The following GPR153 variants were observed in gnomAD, a reference collection of about 807,000 sequenced individuals.
The protein encoded by GPR153 is probable G protein-coupled receptor 153.
Under a neutral mutation model 34.1 loss-of-function variants are expected in GPR153, and 27 were observed. The observed-to-expected ratio is 0.79, with a 90% CI of 0.58 to 1.09. The LOEUF is 1.09. Among genes scored for constraint, GPR153 ranks in the 50% least tolerant of loss-of-function variants. GPR153 has a pLI of 0.00. For missense variants in GPR153, 848 were observed against 860.2 expected (o/e 0.99, Z 0.18); for synonymous variants, 408 against 405.4 (o/e 1.01, Z -0.08).
At chr1:6,256,021 C>G (rs1189956107) in intron 1 of GPR153, among the ~76,000 whole-genome samples, 1 of 152,192 alleles carries the variant, frequency 6.6e-6, no homozygotes, top group African/African-American at 2.4e-5. Flanking sequence ...TCTCAAACTC[C>G]TGGCCTCAAG....
Position 6,250,203 on chromosome 1 carries a change from G to A in GPR153, c.1165-200C>T. On this transcript the variant is annotated intron_variant, in intron 5 of 5. Transcript: ENST00000377893. Reference sequence around the variant, plus strand: ...AGACAGCTGGGGTCGGTTGGGGAGGGCGCTCGTTGAGGATACTGAGCCGGC... The same window carrying A: ...AGACAGCTGGGGTCGGTTGGGGAGGACGCTCGTTGAGGATACTGAGCCGGC... 3.0e-6 allele frequency: 3 copies of A among 985,424 alleles called. No individual in the cohort carries two copies. The South Asian group carries it at 1.4e-4, about 46-fold the overall frequency. 61.0% of individuals were successfully genotyped at this position (985,424 alleles called of 1,614,324 possible).
chr1:6,250,370 G>A, intron 5 of GPR153, 70 bp downstream of exon 5: 1 of 1,487,926 alleles, frequency 6.7e-7, no homozygotes, highest in Non-Finnish European at 9.0e-7. Context: ...GCTCCGAGTG[G>A]AGAGGCCTCG....
At position 6,249,514 on chromosome 1, in the gene GPR153, G is replaced by C. The variant is rs575617658; in HGVS notation, c.1654C>G (p.Pro552Ala). The C allele has an allele frequency of 8.1e-7, 1 of 1,232,902 alleles. No individual in the cohort carries two copies. The highest frequency in any genetic ancestry group is 1.6e-5 in the African/African-American group (1 of 63,472). 76.4% of individuals were successfully genotyped at this position (1,232,902 alleles called of 1,614,324 possible). ...SSAQRSPGPR[P>A]SAHSHAGSLR... The stretch of plus-strand genomic sequence containing the variant: ...GAGCCGGCGTGCGAGTGCGCAGAGG[G>C]GCGTGGCCCTGGGCTCCGCTGGGCG... The change falls in exon 6 of 6, where the codon CCC becomes GCC. Residue 552 changes from proline (P) to alanine (A), a missense_variant. Coordinates refer to ENST00000377893, the MANE Select transcript of GPR153 (RefSeq NM_207370.4). This position sits in a 1 kb window ranked among gnomAD's most constrained non-coding sequence, Gnocchi z 4.3.
Position 6,254,763 on chromosome 1 carries a change from G to A in GPR153, c.143C>T (p.Thr48Ile), listed in dbSNP as rs535046354. ...ATTTAGCATGTGGGTGGCCGCGAGT[G>A]TACACAGCAGGAACTCCAAGGGCTT... ...KWKPLEFLLC[T>I]LAATHMLNVA... is the part of the protein sequence containing the mutation. The change falls in exon 2 of 6, where the codon ACA (threonine) becomes ATA (isoleucine). Residue 48 changes from threonine (T) to isoleucine (I), a missense_variant. Transcript: ENST00000377893. 49 of 1,613,764 alleles carry A rather than the reference G, an allele frequency of 3.0e-5. No individual in the cohort carries two copies. In the Middle Eastern group the frequency reaches 8.2e-4, roughly 27 times the overall value.
intron 5 of GPR153, 42 bp from the exon 6 acceptor site, chr1:6,250,045 G>C (rs1379301269): frequency 8.0e-7 from 1 of 1,257,836 alleles, no homozygotes; most frequent in African/African-American, 1.6e-5. Context: ...CTGCCCTCCT[G>C]GGAAACGGGG....
chr1:6,252,945 C>T (rs1002336937), intron 3 of GPR153, among the ~76,000 whole-genome samples: 4 of 152,178 alleles, frequency 2.6e-5, no homozygotes, highest in Non-Finnish European at 5.9e-5. Context: ...AAGTGCAACT[C>T]CCCAACAGAC....
Position 6,249,126 on chromosome 1 carries a change from T to A in GPR153, c.*212A>T. On this transcript the variant is annotated 3_prime_UTR_variant, in exon 6 of 6. Transcript: ENST00000377893. This position sits in a 1 kb window ranked among gnomAD's most constrained non-coding sequence, Gnocchi z 4.3. Reference sequence around the variant, plus strand: ...GCCCGACCTCACTCGGCCCGGGACATGCGGTGCCCAGCGCAGTCGTCCGGG... The same window carrying A: ...GCCCGACCTCACTCGGCCCGGGACAAGCGGTGCCCAGCGCAGTCGTCCGGG... 1 of 388,776 alleles carries A rather than the reference T, an allele frequency of 2.6e-6. No homozygotes were observed. The highest frequency in any genetic ancestry group is 4.5e-6 in the Non-Finnish European group (1 of 222,956). 24.1% of individuals were successfully genotyped at this position (388,776 alleles called of 1,614,324 possible). A position where few individuals can be genotyped will look rare whatever the true frequency, so the allele number is the denominator to read the frequency against.
intron 1 of GPR153, 73 bp from the exon 2 acceptor site, chr1:6,255,087 G>C (rs576085678): frequency 6.2e-5 from 30 of 484,822 alleles, no homozygotes; most frequent in Non-Finnish European, 1.0e-4. Flanking sequence ...AGGTACTTGG[G>C]ATGGGAGATG....
intron 3 of GPR153, among the ~76,000 whole-genome samples, chr1:6,252,958 T>C (rs1638481887): frequency 6.6e-6 from 1 of 152,096 alleles, no homozygotes; most frequent in Admixed American, 6.6e-5. Context: ...CAACAGACAT[T>C]TGAGGCCCGC....
At chr1:6,257,854 C>A (rs1260226754) in intron 1 of GPR153, among the ~76,000 whole-genome samples, 2 of 152,250 alleles carry the variant, frequency 1.3e-5, no homozygotes, top group African/African-American at 4.8e-5. Flanking sequence ...CCCAGGCAGG[C>A]AGTGTGGGAG....
chr1:6,250,361 C>A, intron 5 of GPR153, 79 bp downstream of exon 5: 1 of 1,482,154 alleles, frequency 6.7e-7, no homozygotes, highest in South Asian at 1.4e-5. Context: ...GTGAGATGGG[C>A]TCCGAGTGGA....
At position 6,249,241 on chromosome 1, in the gene GPR153, G is replaced by A; in HGVS notation, c.*97C>T. On this transcript the variant is annotated 3_prime_UTR_variant, in exon 6 of 6. Transcript: ENST00000377893. The surrounding 1 kb of genome is among the most constrained non-coding windows in gnomAD (Gnocchi z 4.3). ...CCCCCTCACCCCTGGGAGGGGTGGCGCATGTCTGCGCGCGGGGCGGAGGCG... is the reference window on the plus strand; with the variant it reads ...CCCCCTCACCCCTGGGAGGGGTGGCACATGTCTGCGCGCGGGGCGGAGGCG... 1.1e-6 allele frequency: 1 copy of A among 909,584 alleles called. No individual in the cohort carries two copies. Among genetic ancestry groups the A allele is most frequent in the Non-Finnish European group, 1.4e-6 (1 of 693,782 alleles). 56.3% of individuals were successfully genotyped at this position (909,584 alleles called of 1,614,324 possible).
rs1350947417 is a variant in GPR153 at position 6,247,384 on chromosome 1, T to G, written c.*1954A>C. 6.6e-6 allele frequency: 1 copy of G among 152,200 alleles called. No homozygotes were observed. The highest frequency in any genetic ancestry group is 1.5e-5 in the Non-Finnish European group (1 of 68,046). 9.4% of individuals were successfully genotyped at this position (152,200 alleles called of 1,614,324 possible). A position where few individuals can be genotyped will look rare whatever the true frequency, so the allele number is the denominator to read the frequency against. On this transcript the variant is annotated 3_prime_UTR_variant, in exon 6 of 6. Coordinates refer to ENST00000377893, the MANE Select transcript of GPR153 (RefSeq NM_207370.4). ...TCATAAGGAAGTTTTTATTGGGTCC[T>G]GTACAGAAGAGAAATGCTCCGTTGT...
chr1:6,250,200 A>G, intron 5 of GPR153, 197 bp from the exon 6 acceptor site: 1 of 985,170 alleles, frequency 1.0e-6, no homozygotes, highest in East Asian at 1.1e-4. Flanking sequence ...TCGGTTGGGG[A>G]GGGCGCTCGT....
rs764504719 is a variant in GPR153, at chr1:6,254,000, G to A, written c.504C>T (p.Ile168=). Residue 168 remains isoleucine, a synonymous_variant, in exon 3 of 6, where the codon ATC becomes ATT. Transcript: ENST00000377893. The part of the protein sequence containing the change: ...THGCRFIVAE[I]GLGFGVCFLL... ...GGAAGCAGACGCCAAAGCCCAGGCC[G>A]ATCTCAGCCACGATGAAGCGGCAGC... 23 of 1,613,268 alleles carry A rather than the reference G, an allele frequency of 1.4e-5. No individual in the cohort carries two copies. Among genetic ancestry groups the A allele is most frequent in the Middle Eastern group, 1.6e-4 (1 of 6,084 alleles).
rs142231109 is a variant in GPR153, at chr1:6,250,600, G to A, written c.1004C>T (p.Ser335Phe). ...DDETSLEGGI[S>F]PDLVLERSLD... ...GGAGCGCTCCAACACCAGGTCCGGG[G>A]AGATGCCACCTTCCAGGCTGGTCTC... is the stretch of plus-strand genomic sequence containing the variant. Residue 335 changes from serine (S) to phenylalanine (F), a missense_variant, in exon 5 of 6, where the codon TCC (serine) becomes TTC (phenylalanine). Physicochemically the swap from Ser to Phe is radical, Grantham distance 155. Transcript: ENST00000377893. 4.2e-5 allele frequency: 56 copies of A among 1,348,008 alleles called. 1 individual carries two copies. The highest frequency in any genetic ancestry group is 5.3e-5 in the Non-Finnish European group (54 of 1,020,470). 83.5% of individuals were successfully genotyped at this position (1,348,008 alleles called of 1,614,324 possible). A position where few individuals can be genotyped will look rare whatever the true frequency, so the allele number is the denominator to read the frequency against.
At position 6,252,950 on chromosome 1, in the gene GPR153, A is replaced by G. The variant is rs1349276710; in HGVS notation, c.786+768T>C. Among the ~76,000 whole-genome samples, 6 of 152,118 alleles carry G rather than the reference A, an allele frequency of 3.9e-5. 1 individual carries two copies. The East Asian group carries it at 1.2e-3, about 29-fold the overall frequency. On this transcript the variant is annotated intron_variant, in intron 3 of 5. Transcript: ENST00000377893. ...CGTTAGTATCAAGTGCAACTCCCCAACAGACATTTGAGGCCCGCCCTGGCC... is the reference window on the plus strand; with the variant it reads ...CGTTAGTATCAAGTGCAACTCCCCAGCAGACATTTGAGGCCCGCCCTGGCC...
intron 1 of GPR153, among the ~76,000 whole-genome samples, chr1:6,257,616 A>G: frequency 6.6e-6 from 1 of 152,230 alleles, no homozygotes; most frequent in East Asian, 1.9e-4. Flanking sequence ...GGCCAGTCTC[A>G]TGCTCTGGTT....
rs886403104 is a variant in GPR153 at position 6,256,423 on chromosome 1, T to A, written c.-109-1409A>T. On this transcript the variant is annotated intron_variant, in intron 1 of 5. Transcript: ENST00000377893. Reference sequence around the variant, plus strand: ...TCTTGCTCTGTCGCCCAGGCTGGAGTGCAGTGGCACCACCTCAGCTCCTGC... The same window carrying A: ...TCTTGCTCTGTCGCCCAGGCTGGAGAGCAGTGGCACCACCTCAGCTCCTGC... Among the ~76,000 whole-genome samples the A allele has an allele frequency of 2.7e-5, 4 of 149,954 alleles. No homozygotes were observed. In the East Asian group the frequency reaches 7.8e-4, roughly 29 times the overall value.
Sources: allele counts gnomAD v4.1 joint callset (sites outside exome capture counted in the v4.1 genomes callset), GRCh38; gene constraint gnomAD v4.1.1; non-coding constraint Gnocchi (gnomAD v3.1); transcripts MANE v1.5; gene names NCBI Gene and HGNC (gene_info 2026-07-23, HGNC 2026-07-21).